SPSB4: variants seen among roughly 807,000 people sequenced by gnomAD.
SPSB4 encodes splA/ryanodine receptor domain and SOCS box containing 4.
SPSB4 carries 21 observed loss-of-function variants against 20.9 expected under a neutral mutation model. The observed-to-expected ratio is 1.01, with a 90% confidence interval of 0.71 to 1.45. SPSB4 has a LOEUF of 1.45. SPSB4 is among the 40% of genes most tolerant of loss of function. The pLI is 0.00. For synonymous variants in SPSB4, 207 were observed against 183.8 expected (o/e 1.13, Z -1.02); for missense variants, 399 against 399.2 (o/e 1.00, Z 0.00).
At chr3:141,062,915 T>C (rs573728789) in intron 1 of SPSB4, among the ~76,000 whole-genome samples, 33 of 149,828 alleles carry the variant, frequency 2.2e-4, no homozygotes, top group Non-Finnish European at 4.1e-4. Context: ...TGTAATTTGG[T>C]TTTTCTATGT....
rs370711056 is a variant in SPSB4 at position 141,107,422 on chromosome 3, G to A, written c.695-39720G>A. ...ATAAGACGAGAAGAGTCTGTTCAGC[G>A]ACAGAGAAAACAGAGTTGGGCCTGG... is the stretch of plus-strand genomic sequence containing the variant. On this transcript the variant is annotated intron_variant, in intron 2 of 2. Coordinates refer to ENST00000310546, the MANE Select transcript of SPSB4 (RefSeq NM_080862.3). 1.5e-4 allele frequency among the ~76,000 whole-genome samples: 23 copies of A among 152,286 alleles called. 1 individual carries two copies. The highest frequency in any genetic ancestry group is 3.4e-3 in the Middle Eastern group (1 of 294).
intron 2 of SPSB4, among the ~76,000 whole-genome samples, chr3:141,105,373 C>A (rs969105770): frequency 6.6e-6 from 1 of 152,190 alleles, no homozygotes; most frequent in Non-Finnish European, 1.5e-5. Context: ...TTTCTTACTG[C>A]CCATGGCCTA....
intron 2 of SPSB4, among the ~76,000 whole-genome samples, chr3:141,119,408 T>TC (rs1229290318): frequency 1.3e-5 from 2 of 152,230 alleles, no homozygotes; most frequent in Non-Finnish European, 2.9e-5. Context: ...AATGGGGTTT[T>TC]CCACATGTAC....
chr3:141,120,847 G>C (rs1214634846), intron 2 of SPSB4, among the ~76,000 whole-genome samples: 1 of 152,038 alleles, frequency 6.6e-6, no homozygotes, highest in African/African-American at 2.4e-5. Flanking sequence ...CACACTGATG[G>C]GTCTTGACTC....
chr3:141,096,601 A>T (rs1938550582), intron 2 of SPSB4, among the ~76,000 whole-genome samples: 2 of 152,280 alleles, frequency 1.3e-5, no homozygotes, highest in South Asian at 4.1e-4. Context: ...TTCTAATTCC[A>T]TACTCTTTGT....
intron 1 of SPSB4, among the ~76,000 whole-genome samples, chr3:141,064,071 A>G (rs113595391): frequency 0.014 from 2,175 of 152,334 alleles, 27 homozygotes; most frequent in Non-Finnish European, 0.024. Flanking sequence ...ACCAGACCAC[A>G]TGCCCTGTTC....
chr3:141,145,597 C>A (rs1000768813), intron 2 of SPSB4, among the ~76,000 whole-genome samples: 2 of 152,050 alleles, frequency 1.3e-5, no homozygotes, highest in Admixed American at 6.6e-5. Flanking sequence ...ATTTACCACT[C>A]AACAGTTTTG....
At chr3:141,136,201 G>A (rs1939224874) in intron 2 of SPSB4, among the ~76,000 whole-genome samples, 1 of 151,970 alleles carries the variant, frequency 6.6e-6, no homozygotes, top group Admixed American at 6.6e-5. Flanking sequence ...TTTTTTTCTT[G>A]AAAATTTGTT....
chr3:141,079,405 T>G (rs1938182443), intron 2 of SPSB4, among the ~76,000 whole-genome samples: 2 of 152,102 alleles, frequency 1.3e-5, no homozygotes, highest in South Asian at 4.1e-4. Flanking sequence ...TCCTGAGAAA[T>G]TTCCAGTTAG....
chr3:141,103,844 T>C (rs1938649245), intron 2 of SPSB4, among the ~76,000 whole-genome samples: 2 of 151,484 alleles, frequency 1.3e-5, no homozygotes, highest in African/African-American at 4.9e-5. Context: ...TTTTTTTTTT[T>C]CCTTCTAATT....
chr3:141,107,840 A>G (rs1208024594), intron 2 of SPSB4, among the ~76,000 whole-genome samples: 2 of 152,152 alleles, frequency 1.3e-5, no homozygotes, highest in African/African-American at 4.8e-5. Context: ...CTGTAATCCC[A>G]GCTACTTGGG....
intron 2 of SPSB4, among the ~76,000 whole-genome samples, chr3:141,095,277 G>T (rs538674247): frequency 1.1e-4 from 17 of 152,224 alleles, no homozygotes; most frequent in African/African-American, 4.1e-4. Context: ...AGGGATTTCC[G>T]GGCTACTGCG....
At chr3:141,136,924 C>T (rs1334758272) in intron 2 of SPSB4, among the ~76,000 whole-genome samples, 3 of 152,136 alleles carry the variant, frequency 2.0e-5, no homozygotes, top group African/African-American at 7.2e-5. Flanking sequence ...TATAAATAAC[C>T]TTGGGCAGTA....
chr3:141,051,871 A>G lies in SPSB4; in HGVS notation c.-275A>G, dbSNP rs1936097724. The G allele has an allele frequency of 6.6e-6, 1 of 151,460 alleles. No individual in the cohort carries two copies. Among genetic ancestry groups the G allele is most frequent in the Non-Finnish European group, 1.5e-5 (1 of 67,856 alleles). 9.4% of individuals were successfully genotyped at this position (151,460 alleles called of 1,614,324 possible). A position where few individuals can be genotyped will look rare whatever the true frequency, so the allele number is the denominator to read the frequency against. ...CCCTGGCCGTGCGGAGAGAGCCGGC[A>G]TTTGCGGGTCACTCGGGCGCCCCTG... On this transcript the variant is annotated 5_prime_UTR_variant, in exon 1 of 3. Coordinates refer to ENST00000310546, the MANE Select transcript of SPSB4 (RefSeq NM_080862.3).
At chr3:141,126,912 C>T (rs1939057323) in intron 2 of SPSB4, among the ~76,000 whole-genome samples, 1 of 152,238 alleles carries the variant, frequency 6.6e-6, no homozygotes, top group South Asian at 2.1e-4. Context: ...AGCTAGGATT[C>T]GCCTCCAATA....
At position 141,140,246 on chromosome 3, in the gene SPSB4, T is replaced by G. The variant is rs547070792; in HGVS notation, c.695-6896T>G. ...AGTTATCCATTCGTCTAATTTTTTT[T>G]CAAAGTTTTTAACTTCTTTGCCATT... On this transcript the variant is annotated intron_variant, in intron 2 of 2. Coordinates refer to ENST00000310546, the MANE Select transcript of SPSB4 (RefSeq NM_080862.3). Among the ~76,000 whole-genome samples the G allele has an allele frequency of 2.6e-5, 4 of 152,308 alleles. No individual in the cohort carries two copies. In the East Asian group the frequency reaches 7.7e-4, roughly 29 times the overall value.
chr3:141,125,260 C>T lies in SPSB4; in HGVS notation c.695-21882C>T, dbSNP rs529206026. Among the ~76,000 whole-genome samples, 5 of 152,162 alleles carry T rather than the reference C, an allele frequency of 3.3e-5. 1 individual carries two copies. Among genetic ancestry groups the T allele is most frequent in the African/African-American group, 4.8e-5 (2 of 41,506 alleles). On this transcript the variant is annotated intron_variant, in intron 2 of 2. Coordinates refer to ENST00000310546, the MANE Select transcript of SPSB4 (RefSeq NM_080862.3). ...TTTGGTTGTAAGCAGTTGAGCAGAG[C>T]GATATTTTTCTTTCTGCCTCTTTGG...
chr3:141,134,958 A>G (rs1939201306), intron 2 of SPSB4, among the ~76,000 whole-genome samples: 1 of 151,950 alleles, frequency 6.6e-6, no homozygotes, highest in Non-Finnish European at 1.5e-5. Context: ...AAGATATATA[A>G]GCATACTGTT....
chr3:141,143,051 T>C (rs775318533), intron 2 of SPSB4, among the ~76,000 whole-genome samples: 17 of 152,002 alleles, frequency 1.1e-4, no homozygotes, highest in South Asian at 6.2e-4. Flanking sequence ...CTCCTGACTT[T>C]GTGATCTGCC....
Sources: gnomAD v4.1 joint callset for allele counts (sites outside exome capture counted in the v4.1 genomes callset) on GRCh38, gnomAD v4.1.1 for gene constraint, MANE v1.5 for transcripts, NCBI Gene and HGNC (gene_info 2026-07-23, HGNC 2026-07-21) for gene names.